Variants in COL5A2 observed in about 807,000 individuals in gnomAD.
COL5A2 encodes the protein collagen alpha-2(V) chain.
In COL5A2, 23 loss-of-function variants were observed where a neutral mutation model predicts 208.2. The ratio of observed to expected loss-of-function variants is 0.11; its 90% CI spans 0.08 to 0.16. COL5A2 has a LOEUF of 0.16. Ranked by LOEUF, COL5A2 falls within the 10% of genes least tolerant of loss-of-function variation. The pLI is 1.00. For missense variants in COL5A2, 1,590 were observed against 1,956.4 expected, an observed-to-expected ratio of 0.81 and a Z score of 3.53; for synonymous variants, 625 against 628.5, an observed-to-expected ratio of 0.99 and a Z score of 0.08.
the COL5A2 span, among the ~76,000 whole-genome samples, chr2:189,284,569 T>C: frequency 6.6e-6 from 1 of 152,226 alleles, no homozygotes; most frequent in Non-Finnish European, 1.5e-5. Flanking sequence ...TCCGCCCCCA[T>C]GATTCAATCA....
rs759288578 is a variant in COL5A2 at position 189,179,611 on chromosome 2, A to G, written c.-7T>C. 5 of 1,598,694 alleles carry G rather than the reference A, an allele frequency of 3.1e-6. No individual in the cohort carries two copies. The highest frequency in any genetic ancestry group is 4.3e-6 in the Non-Finnish European group (5 of 1,170,210). Reference sequence around the variant, plus strand: ...CCGCCCAGTTTGCCATCATGTCTAAATATTAGACATGTGGGTTCTCCTGAG... The same window carrying G: ...CCGCCCAGTTTGCCATCATGTCTAAGTATTAGACATGTGGGTTCTCCTGAG... On this transcript the variant is annotated 5_prime_UTR_variant, in exon 1 of 54. Transcript: ENST00000374866.
At chr2:189,417,048 C>T in the COL5A2 span, among the ~76,000 whole-genome samples, 1 of 151,902 alleles carries the variant, frequency 6.6e-6, no homozygotes, top group Non-Finnish European at 1.5e-5. Flanking sequence ...GTTAAAAATA[C>T]ATAGCTATTT....
the COL5A2 span, among the ~76,000 whole-genome samples, chr2:189,324,878 T>A: frequency 6.6e-6 from 1 of 152,162 alleles, no homozygotes; most frequent in Non-Finnish European, 1.5e-5. Flanking sequence ...ATATGTCTAT[T>A]GCGGCACTAC....
chr2:189,360,547 TA>T, the COL5A2 span, among the ~76,000 whole-genome samples: 1 of 152,222 alleles, frequency 6.6e-6, no homozygotes, highest in Non-Finnish European at 1.5e-5. Context: ...TTTCCAATAT[TA>T]CTTCCATTAT....
At chr2:189,411,589 A>G in the COL5A2 span, among the ~76,000 whole-genome samples, 1 of 152,208 alleles carries the variant, frequency 6.6e-6, no homozygotes, top group South Asian at 2.1e-4. Context: ...AGTATTTCAC[A>G]TATCAATATA....
At chr2:189,309,282 G>A in the COL5A2 span, among the ~76,000 whole-genome samples, 1 of 152,186 alleles carries the variant, frequency 6.6e-6, no homozygotes, top group Non-Finnish European at 1.5e-5. Context: ...GTAGCATCCC[G>A]ATAAGATCTC....
intron 1 of COL5A2, among the ~76,000 whole-genome samples, chr2:189,204,272 G>A (rs1452014747): frequency 6.6e-6 from 1 of 152,104 alleles, no homozygotes; most frequent in Non-Finnish European, 1.5e-5. Context: ...GAGAAGTTTA[G>A]GTCGCTTTAA....
At chr2:189,107,596 T>A (rs1687176581) in intron 2 of COL5A2, among the ~76,000 whole-genome samples, 1 of 151,580 alleles carries the variant, frequency 6.6e-6, no homozygotes, top group Non-Finnish European at 1.5e-5. Context: ...TCTTTTTAAC[T>A]TTTTGAGAAA....
At chr2:189,213,573 GC>G (rs1176768577) in intron 1 of COL5A2, among the ~76,000 whole-genome samples, 3 of 152,306 alleles carry the variant, frequency 2.0e-5, no homozygotes, top group African/African-American at 7.2e-5. Flanking sequence ...CCATCACTAT[GC>G]AAGCAGCAAA....
chr2:189,252,496 C>A, the COL5A2 span, among the ~76,000 whole-genome samples: 10 of 152,158 alleles, frequency 6.6e-5, no homozygotes, highest in East Asian at 1.7e-3. Context: ...TCATTCTCAG[C>A]AAACTATCGC....
In COL5A2 at chr2:189,065,071, A is replaced by C; in HGVS notation, c.1564-14T>G. 6.2e-7 allele frequency: 1 copy of C among 1,612,756 alleles called. No homozygotes were observed. The highest frequency in any genetic ancestry group is 8.5e-7 in the Non-Finnish European group (1 of 1,179,188). On this transcript the variant is annotated splice_polypyrimidine_tract_variant and intron_variant, in intron 23 of 53. Coordinates refer to ENST00000374866, the MANE Select transcript of COL5A2 (RefSeq NM_000393.5). ...GCCAGGAGCACCCTACAAATGACCA[A>C]AATGTGATTCTTAATTGTTGTTGAT...
the COL5A2 span, among the ~76,000 whole-genome samples, chr2:189,322,681 A>G: frequency 6.6e-6 from 1 of 152,222 alleles, no homozygotes; most frequent in East Asian, 1.9e-4. Context: ...TGAGGCAACA[A>G]TTAATAGCTT....
the COL5A2 span, among the ~76,000 whole-genome samples, chr2:189,320,375 AG>A: frequency 2.6e-5 from 4 of 152,238 alleles, no homozygotes; most frequent in Non-Finnish European, 5.9e-5. Flanking sequence ...TCCGAGCTAA[AG>A]GGGGAAGTTT....
the COL5A2 span, among the ~76,000 whole-genome samples, chr2:189,388,259 G>A: frequency 6.6e-6 from 1 of 152,224 alleles, no homozygotes; most frequent in East Asian, 1.9e-4. Flanking sequence ...AGTGCTAGAG[G>A]GAGCATTGTC....
chr2:189,052,197 C>T lies in COL5A2; in HGVS notation c.2744G>A (p.Gly915Asp), dbSNP rs747577786. 6.2e-7 allele frequency: 1 copy of T among 1,613,818 alleles called. No individual in the cohort carries two copies. The highest frequency in any genetic ancestry group is 8.5e-7 in the Non-Finnish European group (1 of 1,179,828). The change falls in exon 41 of 54, where the codon GGC (glycine) becomes GAC (aspartate). Residue 915 changes from glycine (G) to aspartate (D), a missense_variant. Physicochemically the swap from Gly to Asp is moderately conservative, Grantham distance 94 (BLOSUM62 -1). Coordinates refer to ENST00000374866, the MANE Select transcript of COL5A2 (RefSeq NM_000393.5). ...AGCAGGGCCTGGAGGTCCAACTCTGCCCGCAGAACCAGGAAATCCTGTAGC... is the reference window on the plus strand; with the variant it reads ...AGCAGGGCCTGGAGGTCCAACTCTGTCCGCAGAACCAGGAAATCCTGTAGC... Reference protein sequence around the residue: ...PGATGFPGSAGRVGPPGPAGA... With the variant: ...PGATGFPGSADRVGPPGPAGA...
the COL5A2 span, among the ~76,000 whole-genome samples, chr2:189,252,367 G>A: frequency 6.6e-6 from 1 of 152,176 alleles, no homozygotes; most frequent in Non-Finnish European, 1.5e-5. Context: ...CAATCCAAAT[G>A]TCCATCAATG....
chr2:189,284,975 T>C, the COL5A2 span, among the ~76,000 whole-genome samples: 1 of 152,062 alleles, frequency 6.6e-6, no homozygotes, highest in East Asian at 1.9e-4. Context: ...GTAATTCTTG[T>C]TGTTATTGTT....
intron 51 of COL5A2, among the ~76,000 whole-genome samples, chr2:189,038,837 C>T (rs1685495951): frequency 6.6e-6 from 1 of 152,084 alleles, no homozygotes; most frequent in African/African-American, 2.4e-5. Context: ...CTACAGGCAC[C>T]CGCCACCACG....
intron 23 of COL5A2, 113 bp downstream of exon 23, chr2:189,066,277 G>T: frequency 2.0e-6 from 2 of 993,236 alleles, no homozygotes; most frequent in Non-Finnish European, 3.2e-6. Context: ...ACTGAACTGT[G>T]CAGGGAACCT....
Sources: allele counts gnomAD v4.1 joint callset (sites outside exome capture counted in the v4.1 genomes callset), GRCh38; gene constraint gnomAD v4.1.1; transcripts MANE v1.5; gene names NCBI Gene and HGNC (gene_info 2026-07-23, HGNC 2026-07-21).